DNAH5: variants seen among roughly 807,000 people sequenced by gnomAD.
DNAH5 encodes axonemal beta dynein heavy chain 5.
A neutral mutation model predicts 518.2 loss-of-function variants in DNAH5; 372 were observed. That is an observed-to-expected ratio of 0.72 (90% confidence interval 0.66 to 0.78). The LOEUF is 0.78. Ranked by LOEUF, DNAH5 falls within the 30% of genes least tolerant of loss-of-function variation. DNAH5 has a pLI of 0.00. For synonymous variants in DNAH5, 2,039 were observed against 2,025.9 expected, an observed-to-expected ratio of 1.01 and a Z score of -0.17; for missense variants, 5,523 against 5,687.0, an observed-to-expected ratio of 0.97 and a Z score of 0.93.
chr5:13,884,201 T>C (rs1219580378), intron 19 of DNAH5, among the ~76,000 whole-genome samples: 2 of 152,206 alleles, frequency 1.3e-5, no homozygotes, highest in Admixed American at 6.5e-5. Context: ...ATATATCCTT[T>C]GAAGAGTGTG....
At chr5:13,721,323 T>C in intron 70 of DNAH5, 78 bp from the exon 71 acceptor site, 1 of 1,577,708 alleles carries the variant, frequency 6.3e-7, no homozygotes, top group Non-Finnish European at 8.7e-7. Context: ...TTTCCAAAAT[T>C]CATTTTTGTA....
At chr5:13,731,212 A>C (rs559735551) in intron 68 of DNAH5, among the ~76,000 whole-genome samples, 18 of 152,238 alleles carry the variant, frequency 1.2e-4, no homozygotes, top group Non-Finnish European at 2.2e-4. Flanking sequence ...ATGGCCTTGA[A>C]GCCAATTTGA....
At chr5:13,974,129 T>G (rs2152059817) in intron 1 of DNAH5, among the ~76,000 whole-genome samples, 1 of 150,770 alleles carries the variant, frequency 6.6e-6, no homozygotes, top group South Asian at 2.1e-4. Context: ...TTAATTAGTT[T>G]TTTCTTTTCT....
intron 19 of DNAH5, 41 bp from the exon 20 acceptor site, chr5:13,883,135 A>G (rs759159896): frequency 6.3e-7 from 1 of 1,599,718 alleles, no homozygotes; most frequent in Non-Finnish European, 8.5e-7. Flanking sequence ...CATTTTTAAT[A>G]CAAAATAAGA....
At chr5:13,819,559 G>T (rs1416363372) in intron 41 of DNAH5, among the ~76,000 whole-genome samples, 1 of 152,082 alleles carries the variant, frequency 6.6e-6, no homozygotes, top group Admixed American at 6.5e-5. Flanking sequence ...CTTTCAGTCA[G>T]CTCCTAGAAC....
intron 70 of DNAH5, among the ~76,000 whole-genome samples, chr5:13,725,988 A>T (rs575572675): frequency 6.6e-6 from 1 of 152,310 alleles, no homozygotes; most frequent in South Asian, 2.1e-4. Context: ...TGTACCTCTC[A>T]GGAGACACAC....
intron 7 of DNAH5, 70 bp from the exon 8 acceptor site, chr5:13,917,326 AAG>A (rs1341312189): frequency 8.9e-7 from 1 of 1,123,010 alleles, no homozygotes; most frequent in Non-Finnish European, 1.3e-6. Context: ...AACCACTGCT[AAG>A]AGTCACCACA....
chr5:13,870,780 A>C lies in DNAH5; in HGVS notation c.3821T>G (p.Val1274Gly). Residue 1274 changes from valine (V) to glycine (G), a missense_variant, in exon 24 of 79, where the codon GTA becomes GGA. By Grantham distance (109) the Val-to-Gly change is moderately radical (BLOSUM62 -3). Coordinates refer to ENST00000265104, the MANE Select transcript of DNAH5 (RefSeq NM_001369.3). ...REEQISIDFQ[V>G]GPIEESYALL... ...ATCATTAGTTACCTCAATAGGTCCT[A>C]CTTGAAAGTCAATGGAGATTTGCTC... The C allele has an allele frequency of 6.2e-7, 1 of 1,613,094 alleles. No homozygotes were observed. Among genetic ancestry groups the C allele is most frequent in the Non-Finnish European group, 8.5e-7 (1 of 1,179,206 alleles).
chr5:13,770,760 G>T lies in DNAH5; in HGVS notation c.9594C>A (p.Thr3198=), dbSNP rs1316399548. 1.2e-6 allele frequency: 2 copies of T among 1,613,796 alleles called. No individual in the cohort carries two copies. The highest frequency in any genetic ancestry group is 1.7e-6 in the Non-Finnish European group (2 of 1,179,820). ...AACATCACACTTACCTGTTGGCCAG[G>T]GTCCGCACCTCCACATGCTTTTCTC... ...IYGEKHVEVR[T]LANRMNTGLE... The change falls in exon 56 of 79, where the codon ACC becomes ACA. Residue 3198 remains threonine (T), a synonymous_variant. Coordinates refer to ENST00000265104, the MANE Select transcript of DNAH5 (RefSeq NM_001369.3).
intron 59 of DNAH5, among the ~76,000 whole-genome samples, 180 bp downstream of exon 59, chr5:13,765,796 C>T (rs1752437214): frequency 6.6e-6 from 1 of 152,070 alleles, no homozygotes; most frequent in Non-Finnish European, 1.5e-5. Context: ...TTTAATACAA[C>T]TAAAATCTGT....
intron 42 of DNAH5, 130 bp from the exon 43 acceptor site, chr5:13,814,976 C>T (rs1761264839): frequency 4.3e-6 from 4 of 920,772 alleles, no homozygotes; most frequent in East Asian, 2.6e-5. Flanking sequence ...TATAGTTTTG[C>T]TCCAAATGAT....
At chr5:13,827,741 C>A (rs1475300391) in intron 38 of DNAH5, among the ~76,000 whole-genome samples, 1 of 151,888 alleles carries the variant, frequency 6.6e-6, no homozygotes, top group African/African-American at 2.4e-5. Context: ...AATCTCATCC[C>A]GAAGTGTAGT....
At chr5:13,843,646 C>T (rs1455032949) in intron 32 of DNAH5, among the ~76,000 whole-genome samples, 5 of 152,290 alleles carry the variant, frequency 3.3e-5, no homozygotes, top group African/African-American at 9.6e-5. Flanking sequence ...CACACATCCA[C>T]GCTGCTGACA....
In DNAH5 at chr5:13,792,059, G is replaced by A. The variant is rs560398270; in HGVS notation, c.8383C>T (p.Arg2795Ter). ...PAKFHYVFNLRDLSRVWQGML... is the reference protein window; with the variant it reads ...PAKFHYVFNL ...CCCTGCCAGACCCGAGAAAGATCTC[G>A]TAGGTTAAACACATAATGGAATTTT... Residue 2795 changes from arginine (R) to a stop codon, truncating the protein, a stop_gained, in exon 50 of 79, where the codon CGA becomes TGA. Transcript: ENST00000265104. LOFTEE classifies it high-confidence loss of function. The A allele has an allele frequency of 1.2e-5, 20 of 1,613,980 alleles. No homozygotes were observed. The highest frequency in any genetic ancestry group is 6.7e-5 in the East Asian group (3 of 44,874).
chr5:13,747,581 A>T (rs1298669580), intron 65 of DNAH5, among the ~76,000 whole-genome samples: 1 of 152,168 alleles, frequency 6.6e-6, no homozygotes, highest in Non-Finnish European at 1.5e-5. Flanking sequence ...TCGCCATTCT[A>T]ACTGGTGTGA....
intron 1 of DNAH5, among the ~76,000 whole-genome samples, chr5:13,960,672 G>A (rs776747655): frequency 3.9e-5 from 6 of 152,080 alleles, no homozygotes; most frequent in Admixed American, 6.6e-5. Flanking sequence ...CTCTTCTTAC[G>A]TCAGCATAGG....
In DNAH5 at chr5:13,762,906, G is replaced by T. The variant is rs1318738786; in HGVS notation, c.10102-5C>A. On this transcript the variant is annotated splice_polypyrimidine_tract_variant and splice_region_variant and intron_variant, in intron 59 of 78. Coordinates refer to ENST00000265104, the MANE Select transcript of DNAH5 (RefSeq NM_001369.3). ...GATTGTGTCTTTTGGGAATTGCTATGGAAGAAAAGAGTAAAATAAAGTCGA... is the reference window on the plus strand; with the variant it reads ...GATTGTGTCTTTTGGGAATTGCTATTGAAGAAAAGAGTAAAATAAAGTCGA... The T allele has an allele frequency of 3.1e-6, 5 of 1,612,380 alleles. No homozygotes were observed. The highest frequency in any genetic ancestry group is 3.4e-6 in the Non-Finnish European group (4 of 1,178,840).
chr5:13,767,969 A>G (rs1752737821), intron 58 of DNAH5, among the ~76,000 whole-genome samples: 1 of 152,216 alleles, frequency 6.6e-6, no homozygotes, highest in Non-Finnish European at 1.5e-5. Context: ...TCAAAATGTT[A>G]AGAGTTTGTA....
chr5:13,910,093 T>C (rs1048634442), intron 12 of DNAH5, among the ~76,000 whole-genome samples: 19 of 152,144 alleles, frequency 1.2e-4, no homozygotes, highest in Admixed American at 3.3e-4. Context: ...TCACTGTCCT[T>C]ATGTCTGAAT....
Sources: gnomAD v4.1 joint callset for allele counts (sites outside exome capture counted in the v4.1 genomes callset) on GRCh38, gnomAD v4.1.1 for gene constraint, MANE v1.5 for transcripts, NCBI Gene and HGNC (gene_info 2026-07-23, HGNC 2026-07-21) for gene names.